The following PPP1R1C variants were observed in gnomAD, a reference collection of about 807,000 sequenced individuals.
The protein encoded by PPP1R1C is protein phosphatase 1 regulatory subunit 1C.
A neutral mutation model predicts 17.4 loss-of-function variants in PPP1R1C; 15 were observed. The observed-to-expected ratio is 0.86, with a 90% CI of 0.58 to 1.33. The LOEUF is 1.33. Ranked by LOEUF, PPP1R1C falls within the 40% of genes most tolerant of loss-of-function variation. The pLI is 0.00. For missense variants in PPP1R1C, 143 were observed against 130.0 expected (o/e 1.10, Z -0.48); for synonymous variants, 35 against 43.1 (o/e 0.81, Z 0.73).
At chr2:181,999,251 C>T (rs1438676162) in intron 2 of PPP1R1C, among the ~76,000 whole-genome samples, 2 of 152,118 alleles carry the variant, frequency 1.3e-5, no homozygotes, top group African/African-American at 4.8e-5. Context: ...GAAAAACATA[C>T]CAACTCAAAA....
rs539864375 is a variant in PPP1R1C at position 182,100,496 on chromosome 2, G to C, written c.242-16711G>C. Among the ~76,000 whole-genome samples the C allele has an allele frequency of 2.0e-5, 3 of 149,612 alleles. No individual in the cohort carries two copies. The East Asian group carries it at 5.9e-4, about 29-fold the overall frequency. On this transcript the variant is annotated intron_variant, in intron 4 of 4. Transcript: ENST00000682840. ...CTGCACTCCCCACTAGCAACAGAGC[G>C]AGATTCCATCTCGGAAAAAAAAAAA... is the stretch of plus-strand genomic sequence containing the variant.
intron 2 of PPP1R1C, among the ~76,000 whole-genome samples, chr2:182,022,440 C>A (rs546790324): frequency 7.2e-5 from 11 of 152,210 alleles, no homozygotes; most frequent in Admixed American, 5.9e-4. Flanking sequence ...CCAAAAGAGG[C>A]AAACCAGTAA....
chr2:181,980,069 C>G (rs936734677), intron 2 of PPP1R1C, among the ~76,000 whole-genome samples: 34 of 152,186 alleles, frequency 2.2e-4, no homozygotes, highest in African/African-American at 7.9e-4. Context: ...CTGCCTTCTT[C>G]TCTCAACTGT....
At chr2:182,026,701 T>G (rs1686624939) in intron 2 of PPP1R1C, among the ~76,000 whole-genome samples, 1 of 152,180 alleles carries the variant, frequency 6.6e-6, no homozygotes, top group African/African-American at 2.4e-5. Flanking sequence ...GGGCTCTTTT[T>G]TGGCTCCATA....
chr2:182,063,998 T>G (rs1687917503), intron 4 of PPP1R1C: 1 of 456,888 alleles, frequency 2.2e-6, no homozygotes, highest in Non-Finnish European at 3.9e-6. Context: ...AAATAGCTAG[T>G]GATCTCAGAA....
At chr2:182,079,478 G>C (rs901490162) in intron 4 of PPP1R1C, among the ~76,000 whole-genome samples, 3 of 152,188 alleles carry the variant, frequency 2.0e-5, no homozygotes, top group Non-Finnish European at 4.4e-5. Flanking sequence ...CAGTGGCTAA[G>C]TGCAAAAATC....
chr2:181,970,676 C>A (rs963661151), intron 1 of PPP1R1C, among the ~76,000 whole-genome samples: 1 of 152,144 alleles, frequency 6.6e-6, no homozygotes. Flanking sequence ...TTCTCCCTGG[C>A]CATGGGTGGG....
intron 4 of PPP1R1C, among the ~76,000 whole-genome samples, chr2:182,084,383 G>T (rs1346336702): frequency 6.6e-6 from 1 of 152,026 alleles, no homozygotes; most frequent in African/African-American, 2.4e-5. Context: ...TTTATTTTAA[G>T]ATTTTTATGA....
At chr2:182,028,520 T>C (rs1292944833) in intron 2 of PPP1R1C, among the ~76,000 whole-genome samples, 2 of 152,144 alleles carry the variant, frequency 1.3e-5, no homozygotes, top group East Asian at 1.9e-4. Context: ...AGTTGAGCGG[T>C]TTTGAGTGAG....
rs764816942 is a variant in PPP1R1C at position 182,117,244 on chromosome 2, C to T, written c.279C>T (p.Phe93=). ...TGAAAGGCCAGAATGAATCAGCATTCCCTGAAGAAGAAGAAGGCACCAATG... is the reference window on the plus strand; with the variant it reads ...TGAAAGGCCAGAATGAATCAGCATTTCCTGAAGAAGAAGAAGGCACCAATG... ...KHLKGQNESA[F]PEEEEGTNER... The change falls in exon 5 of 5, where the codon TTC becomes TTT. Residue 93 remains phenylalanine, a synonymous_variant. Coordinates refer to ENST00000682840, the MANE Select transcript of PPP1R1C (RefSeq NM_001080545.3). The T allele has an allele frequency of 2.6e-6, 4 of 1,562,734 alleles. No individual in the cohort carries two copies. The highest frequency in any genetic ancestry group is 2.6e-6 in the Non-Finnish European group (3 of 1,153,208).
intron 4 of PPP1R1C, among the ~76,000 whole-genome samples, chr2:182,080,350 C>G (rs1688438517): frequency 6.6e-6 from 1 of 152,194 alleles, no homozygotes; most frequent in Non-Finnish European, 1.5e-5. Context: ...TCACTATCCC[C>G]CATTTGCTCA....
At chr2:182,051,216 A>C (rs1687506860) in intron 2 of PPP1R1C, among the ~76,000 whole-genome samples, 1 of 152,206 alleles carries the variant, frequency 6.6e-6, no homozygotes, top group African/African-American at 2.4e-5. Flanking sequence ...TTTTTTGTGC[A>C]AAATATGTTC....
At chr2:182,079,000 G>C (rs1688395118) in intron 4 of PPP1R1C, among the ~76,000 whole-genome samples, 1 of 152,156 alleles carries the variant, frequency 6.6e-6, no homozygotes, top group Admixed American at 6.5e-5. Context: ...AAGTTAATGT[G>C]ATGTGACTTT....
intron 2 of PPP1R1C, among the ~76,000 whole-genome samples, chr2:182,005,088 TG>T (rs1057319925): frequency 6.6e-6 from 1 of 152,240 alleles, no homozygotes; most frequent in African/African-American, 2.4e-5. Context: ...ATTTATTAGA[TG>T]TTTTTAGAGT....
At chr2:182,049,905 T>A (rs1687459735) in intron 2 of PPP1R1C, among the ~76,000 whole-genome samples, 1 of 152,202 alleles carries the variant, frequency 6.6e-6, no homozygotes, top group African/African-American at 2.4e-5. Context: ...ATGTTTTAAT[T>A]CCCTGAAGTC....
Position 182,072,143 on chromosome 2 carries a change from A to C in PPP1R1C, c.241+8352A>C, listed in dbSNP as rs184013206. Among the ~76,000 whole-genome samples, 100 of 152,310 alleles carry C rather than the reference A, an allele frequency of 6.6e-4. No homozygotes were observed. The East Asian group carries it at 0.015, about 23-fold the overall frequency. On this transcript the variant is annotated intron_variant, in intron 4 of 4. Transcript: ENST00000682840. ...GCTATCAGTATGCTAAGGTGTACACACTCCACTCATACTAATGCTAATAGG... is the reference window on the plus strand; with the variant it reads ...GCTATCAGTATGCTAAGGTGTACACCCTCCACTCATACTAATGCTAATAGG...
At chr2:181,964,466 C>A (rs1684869926) in intron 1 of PPP1R1C, among the ~76,000 whole-genome samples, 1 of 152,156 alleles carries the variant, frequency 6.6e-6, no homozygotes, top group Non-Finnish European at 1.5e-5. Flanking sequence ...GATTTCCTTT[C>A]TTTTGGGTAT....
chr2:182,015,043 T>C (rs779339352), intron 2 of PPP1R1C, among the ~76,000 whole-genome samples: 6 of 152,212 alleles, frequency 3.9e-5, no homozygotes, highest in South Asian at 4.2e-4. Flanking sequence ...CTCTACTCCA[T>C]TGTGACTGAA....
At chr2:182,035,990 T>TACAC (rs35108850) in intron 2 of PPP1R1C, among the ~76,000 whole-genome samples, 37 of 150,468 alleles carry the variant, frequency 2.5e-4, no homozygotes, top group Admixed American at 9.3e-4. Context: ...TGTGTGTTTA[T>TACAC]ACACACACAC....
Sources: allele counts gnomAD v4.1 joint callset (sites outside exome capture counted in the v4.1 genomes callset), GRCh38; gene constraint gnomAD v4.1.1; transcripts MANE v1.5; gene names NCBI Gene and HGNC (gene_info 2026-07-23, HGNC 2026-07-21).